Variants in GIT2 observed in about 807,000 individuals in gnomAD.
The protein encoded by GIT2 is GIT ArfGAP 2, also known as ARF GTPase-activating protein GIT2.
In GIT2, 32 loss-of-function variants were observed where a neutral mutation model predicts 100.3. The observed-to-expected ratio is 0.32, with a 90% CI of 0.24 to 0.43. The LOEUF (loss-of-function observed/expected upper bound fraction) is 0.43, where lower values mean the gene tolerates loss of function less well. Among genes scored for constraint, GIT2 ranks in the 20% least tolerant of loss-of-function variants. The probability of loss-of-function intolerance (pLI) is 1.00; values close to 1 mark genes in which losing one functional copy is unlikely to be tolerated. For synonymous variants in GIT2, 353 were observed against 364.1 expected, an observed-to-expected ratio of 0.97 and a Z score of 0.35; for missense variants, 737 against 975.1, an observed-to-expected ratio of 0.76 and a Z score of 3.25.
At chr12:109,970,965 T>C (rs1024281583) in intron 7 of GIT2, among the ~76,000 whole-genome samples, 11 of 152,158 alleles carry the variant, frequency 7.2e-5, no homozygotes, top group Non-Finnish European at 1.2e-4. Context: ...AATTTATTAT[T>C]TGTAGAGATG....
In GIT2 at chr12:109,948,740, T is replaced by C; in HGVS notation, c.1393-1236A>G. 2 of 1,549,638 alleles carry C rather than the reference T, an allele frequency of 1.3e-6. No homozygotes were observed. The highest frequency in any genetic ancestry group is 2.3e-5 in the East Asian group (1 of 43,536). On this transcript the variant is annotated intron_variant, in intron 14 of 19. Coordinates refer to ENST00000355312, the MANE Select transcript of GIT2 (RefSeq NM_057169.5). The surrounding 1 kb of genome is among the most constrained non-coding windows in gnomAD (Gnocchi z 4.3). ...CATTACTTTTTCAGTAGCAAACCCA[T>C]TCAATGTTAGGAGTTACTTTCAATT...
intron 9 of GIT2, among the ~76,000 whole-genome samples, chr12:109,964,886 T>G (rs1029332808): frequency 6.6e-6 from 1 of 151,974 alleles, no homozygotes; most frequent in South Asian, 2.1e-4. Flanking sequence ...CCCAGAGAAG[T>G]AGATTTCCCA....
At chr12:109,944,477 G>GA (rs1226166419) in intron 16 of GIT2, among the ~76,000 whole-genome samples, 2 of 152,218 alleles carry the variant, frequency 1.3e-5, no homozygotes, top group Admixed American at 6.5e-5. Flanking sequence ...CTTTATGCAT[G>GA]AAAGTATTTT....
chr12:109,980,515 G>A (rs1283083447), intron 7 of GIT2, among the ~76,000 whole-genome samples: 3 of 152,140 alleles, frequency 2.0e-5, no homozygotes, highest in African/African-American at 7.2e-5. Flanking sequence ...ACAAACCATG[G>A]TTTGCTGACC....
intron 7 of GIT2, among the ~76,000 whole-genome samples, chr12:109,968,790 G>A (rs908722176): frequency 6.6e-6 from 1 of 151,218 alleles, no homozygotes; most frequent in African/African-American, 2.4e-5. Context: ...CGTGGATCTC[G>A]GCTCACTGGC....
At chr12:109,961,477 C>A in intron 10 of GIT2, 102 bp from the exon 11 acceptor site, 3 of 938,654 alleles carry the variant, frequency 3.2e-6, no homozygotes, top group Non-Finnish European at 5.3e-6. Context: ...CACTCTGAAG[C>A]CAACACACGC....
chr12:109,958,293 G>A (rs1215310259), intron 12 of GIT2, among the ~76,000 whole-genome samples: 3 of 151,134 alleles, frequency 2.0e-5, no homozygotes, highest in Non-Finnish European at 4.4e-5. Flanking sequence ...TCAGGTTAGA[G>A]TGCAGTGGTG....
In GIT2 at chr12:109,931,868, AG is replaced by A. The variant is rs1871691687; in HGVS notation, c.*1109del. 6.6e-6 allele frequency: 1 copy of A among 152,288 alleles called. No homozygotes were observed. Among genetic ancestry groups the A allele is most frequent in the South Asian group, 2.1e-4 (1 of 4,836 alleles). 9.4% of individuals were successfully genotyped at this position (152,288 alleles called of 1,614,324 possible). ...GCAGCCAGCTAGAGCACACTCTCTA[AG>A]GAACTCTTGAAAGTTGATGTCTAAT... On this transcript the variant is annotated 3_prime_UTR_variant, in exon 20 of 20. Coordinates refer to ENST00000355312, the MANE Select transcript of GIT2 (RefSeq NM_057169.5).
In GIT2 at chr12:109,945,420, C is replaced by T. The variant is rs1876063732; in HGVS notation, c.1642-71G>A. On this transcript the variant is annotated intron_variant, in intron 15 of 19. Coordinates refer to ENST00000355312, the MANE Select transcript of GIT2 (RefSeq NM_057169.5). ...CAAAAACCTACCACCTTGCCAGCTT[C>T]AGTAAAAGAATCCTGGAACACCACA... 7.1e-5 allele frequency: 55 copies of T among 769,810 alleles called. 2 individuals are homozygous for T. In the South Asian group the frequency reaches 8.0e-4, roughly 11 times the overall value. 47.7% of individuals were successfully genotyped at this position (769,810 alleles called of 1,614,324 possible).
intron 1 of GIT2, among the ~76,000 whole-genome samples, chr12:109,994,786 G>C (rs1889041400): frequency 6.6e-6 from 1 of 152,158 alleles, no homozygotes; most frequent in Non-Finnish European, 1.5e-5. Flanking sequence ...ATACATCACG[G>C]TAAGTTCAAC....
At chr12:109,994,965 A>AT (rs1488803640) in intron 1 of GIT2, among the ~76,000 whole-genome samples, 21 of 152,208 alleles carry the variant, frequency 1.4e-4, no homozygotes, top group Non-Finnish European at 2.8e-4. Context: ...TGTACGGGCC[A>AT]TAAAACAACC....
At chr12:109,951,589 T>C (rs1877874713) in intron 13 of GIT2, among the ~76,000 whole-genome samples, 1 of 152,238 alleles carries the variant, frequency 6.6e-6, no homozygotes, top group Non-Finnish European at 1.5e-5. Context: ...TCCTGTCTTG[T>C]AAGCCTTTCT....
intron 16 of GIT2, among the ~76,000 whole-genome samples, chr12:109,944,791 C>T (rs1875815585): frequency 6.7e-6 from 1 of 149,954 alleles, no homozygotes; most frequent in African/African-American, 2.5e-5. Flanking sequence ...GGTTTGTCAG[C>T]ACTTGTGGTG....
chr12:109,934,685 C>A lies in GIT2; in HGVS notation c.2004-600G>T, dbSNP rs1023889681. 6.6e-6 allele frequency among the ~76,000 whole-genome samples: 1 copy of A among 152,266 alleles called. No individual in the cohort carries two copies. Among genetic ancestry groups the A allele is most frequent in the African/African-American group, 2.4e-5 (1 of 41,546 alleles). On this transcript the variant is annotated intron_variant, in intron 18 of 19. Transcript: ENST00000355312. The surrounding 1 kb of genome is among the most constrained non-coding windows in gnomAD (Gnocchi z 4.5). ...GTGAGCCACGGTGTCCAGCCCTTTC[C>A]CCATTTTTTAAACCATGAAGTTGGC...
At chr12:109,936,622 C>T (rs1873070276) in intron 18 of GIT2, among the ~76,000 whole-genome samples, 1 of 152,202 alleles carries the variant, frequency 6.6e-6, no homozygotes, top group Non-Finnish European at 1.5e-5. Flanking sequence ...AATCTCAGCA[C>T]TTTGAGAGGC....
At chr12:109,986,766 AAAAC>A (rs574249052) in intron 4 of GIT2, among the ~76,000 whole-genome samples, 33 of 151,422 alleles carry the variant, frequency 2.2e-4, no homozygotes, top group Middle Eastern at 3.4e-3. Flanking sequence ...CTCCGTCTCA[AAAAC>A]AAACAAACAA....
chr12:109,989,168 C>T, intron 3 of GIT2, 100 bp from the exon 4 acceptor site: 1 of 758,738 alleles, frequency 1.3e-6, no homozygotes, highest in Non-Finnish European at 2.4e-6. Context: ...ACATCCCCCA[C>T]TTGAGAATAA....
At position 109,961,361 on chromosome 12, in the gene GIT2, G is replaced by T; in HGVS notation, c.904C>A (p.Gln302Lys). The T allele has an allele frequency of 6.2e-7, 1 of 1,611,096 alleles. No homozygotes were observed. The highest frequency in any genetic ancestry group is 8.5e-7 in the Non-Finnish European group (1 of 1,177,198). ...TCGGTTACCAGGGCGCTGTGGTTTT[G>T]CGTGGCAAGCCAGACTAGTCAGAGG... ...RETDAVWLAT[Q>K]NHSALVTETT... The change falls in exon 11 of 20, where the codon CAA becomes AAA. Residue 302 changes from glutamine to lysine, a missense_variant. Transcript: ENST00000355312.
intron 7 of GIT2, among the ~76,000 whole-genome samples, chr12:109,976,732 G>A (rs1412998913): frequency 6.6e-6 from 1 of 151,930 alleles, no homozygotes; most frequent in African/African-American, 2.4e-5. Context: ...GGGTTTACAG[G>A]CATGTACCAC....
Sources: allele counts gnomAD v4.1 joint callset (sites outside exome capture counted in the v4.1 genomes callset), GRCh38; gene constraint gnomAD v4.1.1; non-coding constraint Gnocchi (gnomAD v3.1); transcripts MANE v1.5; gene names NCBI Gene and HGNC (gene_info 2026-07-23, HGNC 2026-07-21).